COL22A1: variants seen among roughly 807,000 people sequenced by gnomAD.
The protein encoded by COL22A1 is collagen alpha-1(XXII) chain.
In COL22A1, 221 loss-of-function variants were observed where a neutral mutation model predicts 248.9. The ratio of observed to expected loss-of-function variants is 0.89; its 90% CI spans 0.80 to 0.99. COL22A1 has a LOEUF of 0.99. Ranked by LOEUF, COL22A1 falls within the 50% of genes least tolerant of loss-of-function variation. COL22A1 has a pLI of 0.00. For missense variants in COL22A1, 2,240 were observed against 2,179.0 expected (o/e 1.03, Z -0.56); for synonymous variants, 891 against 793.4 (o/e 1.12, Z -2.07).
At chr8:138,781,871 C>A (rs111482102) in intron 12 of COL22A1, among the ~76,000 whole-genome samples, 8 of 152,156 alleles carry the variant, frequency 5.3e-5, no homozygotes, top group Admixed American at 1.3e-4. Flanking sequence ...CTATACAGTG[C>A]GGGTGCTGGG....
intron 11 of COL22A1, among the ~76,000 whole-genome samples, chr8:138,801,880 CA>C (rs34202495): frequency 9.5e-5 from 14 of 146,840 alleles, no homozygotes; most frequent in African/African-American, 1.0e-4. Flanking sequence ...GACTTTATCT[CA>C]AAAAAAAAAG....
chr8:138,722,766 C>T (rs1829970239), intron 25 of COL22A1, among the ~76,000 whole-genome samples: 1 of 150,794 alleles, frequency 6.6e-6, no homozygotes, highest in Admixed American at 6.7e-5. Flanking sequence ...ACGGACTCCA[C>T]CTCCAGGCTC....
At chr8:138,907,713 T>C (rs1003221969) in intron 1 of COL22A1, among the ~76,000 whole-genome samples, 1 of 152,202 alleles carries the variant, frequency 6.6e-6, no homozygotes, top group African/African-American at 2.4e-5. Flanking sequence ...CGCTACAGGC[T>C]GGGAAATCCC....
At chr8:138,714,686 G>A (rs952750741) in intron 30 of COL22A1, among the ~76,000 whole-genome samples, 15 of 152,114 alleles carry the variant, frequency 9.9e-5, no homozygotes, top group African/African-American at 3.1e-4. Flanking sequence ...TGATTGTGCT[G>A]CTCCTGATGG....
intron 22 of COL22A1, among the ~76,000 whole-genome samples, chr8:138,748,701 C>T (rs1456865642): frequency 1.3e-5 from 2 of 152,156 alleles, no homozygotes. Flanking sequence ...AGTGAATTGC[C>T]CAATTTCCAA....
At chr8:138,826,358 G>A (rs764380308) in intron 6 of COL22A1, among the ~76,000 whole-genome samples, 30 of 152,290 alleles carry the variant, frequency 2.0e-4, no homozygotes, top group Non-Finnish European at 3.5e-4. Context: ...AGGTGTCACA[G>A]GACAGCAGAG....
chr8:138,619,126 C>T (rs933462776), intron 53 of COL22A1, among the ~76,000 whole-genome samples: 11 of 151,904 alleles, frequency 7.2e-5, no homozygotes, highest in African/African-American at 1.2e-4. Context: ...GAAAAAAAAC[C>T]TTAGCTATGG....
intron 29 of COL22A1, 86 bp downstream of exon 29, chr8:138,716,141 C>T: frequency 9.6e-7 from 1 of 1,039,478 alleles, no homozygotes; most frequent in Admixed American, 2.5e-5. Context: ...TATGACTGTC[C>T]CGAGGGACTG....
intron 52 of COL22A1, among the ~76,000 whole-genome samples, chr8:138,623,296 G>A (rs1193656220): frequency 1.5e-5 from 2 of 129,530 alleles, no homozygotes; most frequent in East Asian, 2.3e-4. Flanking sequence ...GTGTGTGTGT[G>A]TAATCCCACA....
chr8:138,626,383 A>C, intron 50 of COL22A1, 140 bp from the exon 51 acceptor site: 1 of 734,032 alleles, frequency 1.4e-6, no homozygotes, highest in South Asian at 1.7e-5. Flanking sequence ...TATCAGCCTC[A>C]TGGCTTTCTG....
chr8:138,877,964 C>A lies in COL22A1; in HGVS notation c.444G>T (p.Leu148=). The stretch of plus-strand genomic sequence containing the variant: ...GGTCCTGGCTGCGGCCGTCGGTGAG[C>A]AGGATGGCCACCTGCTTGTAGGCGC... ...RDRAYKQVAI[L]LTDGRSQDLV... Residue 148 remains leucine, a synonymous_variant, in exon 3 of 65, where the codon CTG becomes CTT. Transcript: ENST00000303045. 6.3e-7 allele frequency: 1 copy of A among 1,592,704 alleles called. No homozygotes were observed. The highest frequency in any genetic ancestry group is 1.1e-5 in the South Asian group (1 of 88,382).
At chr8:138,807,115 C>G (rs929416048) in intron 10 of COL22A1, among the ~76,000 whole-genome samples, 1 of 151,910 alleles carries the variant, frequency 6.6e-6, no homozygotes, top group African/African-American at 2.4e-5. Context: ...GAGATAAAGA[C>G]AGAGAGAGAC....
intron 4 of COL22A1, among the ~76,000 whole-genome samples, chr8:138,841,867 C>A (rs886874462): frequency 1.3e-5 from 2 of 152,174 alleles, no homozygotes; most frequent in African/African-American, 4.8e-5. Context: ...CTGGGAGTGG[C>A]CAGTCCATGG....
chr8:138,883,243 G>A lies in COL22A1; in HGVS notation c.-71C>T, dbSNP rs1357910156. 2 of 1,434,118 alleles carry A rather than the reference G, an allele frequency of 1.4e-6. No individual in the cohort carries two copies. The highest frequency in any genetic ancestry group is 1.4e-5 in the African/African-American group (1 of 70,680). The allele number at this position is 1,434,118 out of a possible 1,614,324, so 88.8% of individuals were successfully genotyped here. A position where few individuals can be genotyped will look rare whatever the true frequency, so the allele number is the denominator to read the frequency against. On this transcript the variant is annotated splice_region_variant and 5_prime_UTR_variant, in exon 2 of 65. Coordinates refer to ENST00000303045, the MANE Select transcript of COL22A1 (RefSeq NM_152888.3). ...CGCTGTTAGGGTCTACAGCAGCATG[G>A]CCTGTGTGGAGAAAGACACCCTTAG... is the stretch of plus-strand genomic sequence containing the variant.
chr8:138,820,707 C>CAT (rs140565755), intron 7 of COL22A1, among the ~76,000 whole-genome samples: 6,245 of 152,056 alleles, frequency 0.041, 427 homozygotes, highest in African/African-American at 0.14. Context: ...CACCTACCTG[C>CAT]ATATATATAT....
At chr8:138,816,932 T>C (rs949304841) in intron 7 of COL22A1, among the ~76,000 whole-genome samples, 4 of 152,216 alleles carry the variant, frequency 2.6e-5, no homozygotes, top group Non-Finnish European at 2.9e-5. Flanking sequence ...TCTTCATTAT[T>C]CTCTATTGCC....
intron 4 of COL22A1, among the ~76,000 whole-genome samples, chr8:138,835,215 A>C (rs938686763): frequency 6.6e-6 from 1 of 152,330 alleles, no homozygotes; most frequent in Non-Finnish European, 1.5e-5. Context: ...AAAATGACTA[A>C]GAGCTGCCAT....
chr8:138,655,011 T>C (rs1823103943), intron 45 of COL22A1, among the ~76,000 whole-genome samples: 3 of 152,158 alleles, frequency 2.0e-5, no homozygotes, highest in Admixed American at 2.0e-4. Flanking sequence ...CCGCTGGCCC[T>C]CCTTTGAGAA....
chr8:138,591,301 C>A (rs752058015), intron 64 of COL22A1, 123 bp downstream of exon 64: 2 of 486,448 alleles, frequency 4.1e-6, no homozygotes, highest in Admixed American at 4.3e-5. Context: ...CTGTCTCCTC[C>A]TCATCTGTAG....
Sources: gnomAD v4.1 joint callset for allele counts (sites outside exome capture counted in the v4.1 genomes callset) on GRCh38, gnomAD v4.1.1 for gene constraint, MANE v1.5 for transcripts, NCBI Gene and HGNC (gene_info 2026-07-23, HGNC 2026-07-21) for gene names.